Variants in IQUB observed in about 807,000 individuals in gnomAD.
IQUB encodes the protein IQ motif and ubiquitin domain containing, also known as IQ motif and ubiquitin-like domain-containing protein.
A neutral mutation model predicts 86.4 loss-of-function variants in IQUB; 86 were observed. The observed-to-expected ratio is 1.00, with a 90% confidence interval of 0.84 to 1.19. The LOEUF (loss-of-function observed/expected upper bound fraction) is 1.19. Among genes scored for constraint, IQUB ranks in the 50% most tolerant of loss-of-function variants. The pLI, the probability that IQUB is intolerant of heterozygous loss-of-function variation, is 0.00. For synonymous variants in IQUB, 289 were observed against 304.5 expected (o/e 0.95, Z 0.53); for missense variants, 946 against 916.9 (o/e 1.03, Z -0.41).
intron 9 of IQUB, among the ~76,000 whole-genome samples, chr7:123,465,838 C>T (rs1403543979): frequency 6.6e-6 from 1 of 151,952 alleles, no homozygotes; most frequent in Non-Finnish European, 1.5e-5. Context: ...ATATTGTCCT[C>T]ATACCTGAGG....
chr7:123,472,731 CA>C (rs1205008116), intron 8 of IQUB, among the ~76,000 whole-genome samples: 1 of 152,156 alleles, frequency 6.6e-6, no homozygotes. Context: ...GTATTTCTGC[CA>C]ACACAGATAA....
intron 1 of IQUB, among the ~76,000 whole-genome samples, chr7:123,517,859 T>C (rs2117298803): frequency 6.6e-6 from 1 of 152,306 alleles, no homozygotes; most frequent in African/African-American, 2.4e-5. Flanking sequence ...TTTGTTAGGT[T>C]CCATCTGACA....
chr7:123,479,284 C>T (rs1283072240), intron 8 of IQUB, among the ~76,000 whole-genome samples: 1 of 151,830 alleles, frequency 6.6e-6, no homozygotes, highest in Non-Finnish European at 1.5e-5. Context: ...AGTTTTTTTC[C>T]TTAATTATAT....
At chr7:123,525,751 A>C (rs1157201229) in intron 1 of IQUB, among the ~76,000 whole-genome samples, 2 of 151,822 alleles carry the variant, frequency 1.3e-5, no homozygotes, top group African/African-American at 2.4e-5. Context: ...TAGCTTTTGA[A>C]AGTGTTTGCT....
At chr7:123,459,385 CAG>C (rs1055813098) in intron 11 of IQUB, among the ~76,000 whole-genome samples, 22 of 152,068 alleles carry the variant, frequency 1.4e-4, no homozygotes, top group African/African-American at 4.3e-4. Flanking sequence ...CTGAGTAAAG[CAG>C]AGTGTCTTCC....
chr7:123,530,587 T>G (rs1344329070), intron 1 of IQUB, among the ~76,000 whole-genome samples: 1 of 152,118 alleles, frequency 6.6e-6, no homozygotes, highest in Non-Finnish European at 1.5e-5. Flanking sequence ...ATTTTATTTA[T>G]GGTTTGTTCT....
chr7:123,474,712 G>A (rs765751443), intron 8 of IQUB, among the ~76,000 whole-genome samples: 22 of 152,152 alleles, frequency 1.4e-4, no homozygotes, highest in East Asian at 5.8e-4. Flanking sequence ...GGGAGTTATC[G>A]TCAAGTGTAG....
intron 1 of IQUB, among the ~76,000 whole-genome samples, chr7:123,526,903 A>T (rs1797244757): frequency 6.6e-6 from 1 of 151,834 alleles, no homozygotes; most frequent in Admixed American, 6.6e-5. Flanking sequence ...GTGGTGACAA[A>T]ATCTCTCAGC....
At chr7:123,495,732 A>G (rs934344184) in intron 7 of IQUB, among the ~76,000 whole-genome samples, 1 of 152,152 alleles carries the variant, frequency 6.6e-6, no homozygotes, top group South Asian at 2.1e-4. Context: ...CTGGCAAAGC[A>G]GAAGCTAGAG....
At chr7:123,473,647 C>G (rs1429617202) in intron 8 of IQUB, among the ~76,000 whole-genome samples, 1 of 152,078 alleles carries the variant, frequency 6.6e-6, no homozygotes, top group Non-Finnish European at 1.5e-5. Context: ...GCAATCTCGG[C>G]TCACTGCAGC....
At chr7:123,461,689 G>T in intron 10 of IQUB, 84 bp from the exon 11 acceptor site, 1 of 1,172,244 alleles carries the variant, frequency 8.5e-7, no homozygotes, top group South Asian at 2.5e-5. Flanking sequence ...AAGCATCAAA[G>T]GCTAACTTAC....
At chr7:123,464,627 T>C (rs762124962) in intron 10 of IQUB, among the ~76,000 whole-genome samples, 20 of 151,878 alleles carry the variant, frequency 1.3e-4, no homozygotes, top group Non-Finnish European at 2.7e-4. Context: ...TAGGAAATAA[T>C]TGAAGGTTGC....
intron 8 of IQUB, among the ~76,000 whole-genome samples, chr7:123,470,921 A>G (rs914064237): frequency 6.6e-6 from 1 of 152,110 alleles, no homozygotes; most frequent in Non-Finnish European, 1.5e-5. Flanking sequence ...ACATCAATTT[A>G]CAACTAATTT....
chr7:123,519,021 A>G (rs999829183), intron 1 of IQUB, among the ~76,000 whole-genome samples: 5 of 151,964 alleles, frequency 3.3e-5, no homozygotes, highest in Non-Finnish European at 4.4e-5. Flanking sequence ...ACATTTCTCA[A>G]AAGAAGACAT....
At chr7:123,498,896 C>T in intron 6 of IQUB, among the ~76,000 whole-genome samples, 1 of 152,146 alleles carries the variant, frequency 6.6e-6, no homozygotes, top group South Asian at 2.1e-4. Flanking sequence ...AGCTTTATTA[C>T]AATAGGAGAA....
chr7:123,489,257 G>T (rs963979335), intron 7 of IQUB, among the ~76,000 whole-genome samples: 9 of 152,078 alleles, frequency 5.9e-5, no homozygotes, highest in Non-Finnish European at 1.3e-4. Flanking sequence ...TTAAGCCTTG[G>T]CATAAATCCT....
Position 123,469,321 on chromosome 7 carries a change from T to G in IQUB, c.1474A>C (p.Thr492Pro). 6.2e-7 allele frequency: 1 copy of G among 1,609,520 alleles called. No individual in the cohort carries two copies. Among genetic ancestry groups the G allele is most frequent in the Non-Finnish European group, 8.5e-7 (1 of 1,177,440 alleles). Residue 492 changes from threonine to proline, a missense_variant, in exon 9 of 13, where the codon ACC (threonine) becomes CCC (proline). Transcript: ENST00000324698. ...TTTTGCAGCTCTCTGGCTCTGATGG[T>G]GAACTGCGTATCCATCTCAATTGTT... ...GKTIEMDTQFTIRARELQNIY... is the reference protein window; with the variant it reads ...GKTIEMDTQFPIRARELQNIY...
chr7:123,506,490 C>A (rs771457424), intron 3 of IQUB, among the ~76,000 whole-genome samples: 4 of 152,022 alleles, frequency 2.6e-5, no homozygotes, highest in Non-Finnish European at 5.9e-5. Flanking sequence ...TTGGGGAGGC[C>A]TCAGGAAACT....
chr7:123,461,644 A>C (rs947779012), intron 10 of IQUB, 39 bp from the exon 11 acceptor site: 44 of 1,493,598 alleles, frequency 2.9e-5, no homozygotes, highest in Non-Finnish European at 3.9e-5. Context: ...AGGTCTAAAA[A>C]GCCAGGCCAG....
Sources: gnomAD v4.1 joint callset for allele counts (sites outside exome capture counted in the v4.1 genomes callset) on GRCh38, gnomAD v4.1.1 for gene constraint, MANE v1.5 for transcripts, NCBI Gene and HGNC (gene_info 2026-07-23, HGNC 2026-07-21) for gene names.